Variants in GRIK1 observed in about 807,000 individuals in gnomAD.
GRIK1 encodes the protein glutamate ionotropic receptor kainate type subunit 1.
In GRIK1, 69 loss-of-function variants were observed where a neutral mutation model predicts 105.7. That is an observed-to-expected ratio of 0.65 (90% CI 0.54 to 0.80). The LOEUF (loss-of-function observed/expected upper bound fraction) is 0.80, where lower values mean the gene tolerates loss of function less well. Among genes scored for constraint, GRIK1 ranks in the 30% least tolerant of loss-of-function variants. GRIK1 has a pLI of 0.00. For missense variants in GRIK1, 1,109 were observed against 1,167.3 expected (o/e 0.95, Z 0.73); for synonymous variants, 438 against 431.3 (o/e 1.02, Z -0.19).
chr21:29,757,525 CACAA>C (rs1455175060), intron 1 of GRIK1, among the ~76,000 whole-genome samples: 4 of 152,162 alleles, frequency 2.6e-5, no homozygotes, highest in Admixed American at 6.5e-5. Flanking sequence ...AAATTTGAAA[CACAA>C]ACAGTGACTT....
chr21:29,785,092 C>T (rs1272518938), intron 1 of GRIK1, among the ~76,000 whole-genome samples: 1 of 152,122 alleles, frequency 6.6e-6, no homozygotes, highest in Admixed American at 6.6e-5. Flanking sequence ...CCTCCAATAC[C>T]TAGTTTTTCT....
Position 29,689,805 on chromosome 21 carries a change from G to A in GRIK1, c.467C>T (p.Ala156Val). 6.2e-7 allele frequency: 1 copy of A among 1,613,752 alleles called. No individual in the cohort carries two copies. The highest frequency in any genetic ancestry group is 8.5e-7 in the Non-Finnish European group (1 of 1,179,652). ...FYINLYPDYA[A>V]ISRAILDLVL... ...CAGATCCAGGATCGCCCTGCTGATA[G>A]CTGCATAATCTGGGTAAAGGTTGAT... The change falls in exon 3 of 18, where the codon GCT becomes GTT. Residue 156 changes from alanine to valine, a missense_variant. Around this residue, in one of 5 missense-constraint regions of GRIK1, gnomAD observed 612 missense variants for 586.0 expected, o/e 1.04. Transcript: ENST00000327783.
At chr21:29,931,095 G>A (rs1034735578) in intron 1 of GRIK1, among the ~76,000 whole-genome samples, 8 of 152,282 alleles carry the variant, frequency 5.3e-5, no homozygotes, top group Admixed American at 4.6e-4. Flanking sequence ...AAATTATTAC[G>A]TTAGTATGGT....
chr21:29,881,468 C>T (rs1481206010), intron 1 of GRIK1, among the ~76,000 whole-genome samples: 2 of 152,058 alleles, frequency 1.3e-5, no homozygotes, highest in East Asian at 3.9e-4. Flanking sequence ...TGCTCCAGAC[C>T]ACACAGCAGA....
At chr21:29,720,509 G>A (rs531234053) in intron 1 of GRIK1, among the ~76,000 whole-genome samples, 240 of 152,220 alleles carry the variant, frequency 1.6e-3, no homozygotes, top group South Asian at 7.1e-3. Flanking sequence ...GTGTGTGTGT[G>A]TGTATGCTGC....
chr21:29,919,692 A>G (rs2071126349), intron 1 of GRIK1, among the ~76,000 whole-genome samples: 1 of 152,148 alleles, frequency 6.6e-6, no homozygotes, highest in South Asian at 2.1e-4. Context: ...TTATAGAAAC[A>G]GCCATTTGAT....
chr21:29,630,798 GT>G (rs2062250926), intron 7 of GRIK1: 2 of 351,902 alleles, frequency 5.7e-6, no homozygotes, highest in South Asian at 2.2e-5. Context: ...TTTGTTTTTT[GT>G]TTTTGTTTTT....
intron 1 of GRIK1, among the ~76,000 whole-genome samples, chr21:29,703,080 T>A (rs537908994): frequency 1.2e-4 from 18 of 152,336 alleles, no homozygotes; most frequent in African/African-American, 4.1e-4. Context: ...AATTTTTAAC[T>A]CTCTAGCATG....
intron 1 of GRIK1, among the ~76,000 whole-genome samples, chr21:29,711,334 G>A (rs1192123172): frequency 1.3e-5 from 2 of 152,126 alleles, no homozygotes; most frequent in Non-Finnish European, 2.9e-5. Context: ...GTAGCATACT[G>A]CACAGGTTTG....
In GRIK1 at chr21:29,656,354, C is replaced by CAAAAAAAAAAAA. The variant is rs3054331; in HGVS notation, c.727-1503_727-1492dup. Reference sequence around the variant, plus strand: ...CCAGCCTGGGGGCCAGAGCGAGACTCAAAAAAAAAAAAAAAAAAAAAAAAA... The same window carrying CAAAAAAAAAAAA: ...CCAGCCTGGGGGCCAGAGCGAGACTCAAAAAAAAAAAAAAAAAAAAAAAAAAAAAAAAAAAAA... On this transcript the variant is annotated intron_variant, in intron 4 of 17. Transcript: ENST00000327783. 5.4e-3 allele frequency among the ~76,000 whole-genome samples: 274 copies of CAAAAAAAAAAAA among 51,098 alleles called. 35 individuals carry two copies. The highest frequency in any genetic ancestry group is 7.3e-3 in the Non-Finnish European group (158 of 21,620). The allele number at this position is 51,098 out of a possible 152,430, so 33.5% of individuals were successfully genotyped here.
intron 13 of GRIK1, among the ~76,000 whole-genome samples, chr21:29,580,015 A>G (rs1371835156): frequency 3.5e-5 from 5 of 144,714 alleles, no homozygotes; most frequent in Non-Finnish European, 7.5e-5. Context: ...ATGTATATAT[A>G]TGTGTATATA....
chr21:29,917,054 T>C (rs2071024068), intron 1 of GRIK1, among the ~76,000 whole-genome samples: 1 of 152,038 alleles, frequency 6.6e-6, no homozygotes, highest in Non-Finnish European at 1.5e-5. Flanking sequence ...CTGATGTTTT[T>C]CTCATTATGT....
At chr21:29,920,272 C>T (rs1418228171) in intron 1 of GRIK1, among the ~76,000 whole-genome samples, 1 of 151,872 alleles carries the variant, frequency 6.6e-6, no homozygotes, top group Non-Finnish European at 1.5e-5. Context: ...GTTTCATTTT[C>T]CCATTATTAG....
intron 1 of GRIK1, among the ~76,000 whole-genome samples, chr21:29,802,620 T>C (rs1290716343): frequency 1.3e-5 from 2 of 152,174 alleles, no homozygotes; most frequent in African/African-American, 4.8e-5. Flanking sequence ...TCTAAGATGA[T>C]CTCTGTAGTT....
At chr21:29,805,871 A>C (rs1213730045) in intron 1 of GRIK1, among the ~76,000 whole-genome samples, 2 of 152,160 alleles carry the variant, frequency 1.3e-5, no homozygotes, top group Admixed American at 6.6e-5. Context: ...TTGCTAAAAT[A>C]TATACCTGGA....
intron 14 of GRIK1, among the ~76,000 whole-genome samples, chr21:29,565,614 A>G (rs1335678484): frequency 6.6e-6 from 1 of 152,062 alleles, no homozygotes. Context: ...TTGTATTTTT[A>G]GTAAAGACAG....
chr21:29,921,332 T>A (rs879390157), intron 1 of GRIK1, among the ~76,000 whole-genome samples: 1 of 152,186 alleles, frequency 6.6e-6, no homozygotes, highest in Non-Finnish European at 1.5e-5. Context: ...TTTTCCAATA[T>A]ATTTCACAGT....
At chr21:29,654,333 G>T (rs2062802323) in intron 5 of GRIK1, among the ~76,000 whole-genome samples, 1 of 152,164 alleles carries the variant, frequency 6.6e-6, no homozygotes, top group Non-Finnish European at 1.5e-5. Context: ...AATGTTCAAT[G>T]TGCAGAGCAT....
chr21:29,907,908 A>G (rs1157347859), intron 1 of GRIK1, among the ~76,000 whole-genome samples: 1 of 152,136 alleles, frequency 6.6e-6, no homozygotes, highest in Non-Finnish European at 1.5e-5. Flanking sequence ...ATTAATACAG[A>G]GCTACAATTT....
Sources: gnomAD v4.1 joint callset for allele counts (sites outside exome capture counted in the v4.1 genomes callset) on GRCh38, gnomAD v4.1.1 for gene constraint, gnomAD v4.1.1 regional missense constraint, MANE v1.5 for transcripts, NCBI Gene and HGNC (gene_info 2026-07-23, HGNC 2026-07-21) for gene names.